Variants in SPINK1 observed in about 807,000 individuals in gnomAD.
The protein encoded by SPINK1 is serine protease inhibitor Kazal-type 1.
SPINK1 carries 5 observed loss-of-function variants against 9.5 expected under a neutral mutation model. The ratio of observed to expected loss-of-function variants is 0.52; its 90% CI spans 0.27 to 1.10. The LOEUF (loss-of-function observed/expected upper bound fraction) is 1.10, where lower values mean the gene tolerates loss of function less well. Ranked by LOEUF, SPINK1 falls within the 50% of genes least tolerant of loss-of-function variation. The pLI, the probability that SPINK1 is intolerant of heterozygous loss-of-function variation, is 0.11. For synonymous variants in SPINK1, 37 were observed against 32.3 expected, an observed-to-expected ratio of 1.14 and a Z score of -0.49; for missense variants, 88 against 92.7, an observed-to-expected ratio of 0.95 and a Z score of 0.21.
At chr5:147,827,988 A>G (rs987291809) in intron 3 of SPINK1, 34 bp downstream of exon 3, 4 of 1,499,940 alleles carry the variant, frequency 2.7e-6, no homozygotes, top group Non-Finnish European at 3.7e-6. Context: ...AACTTAAAAT[A>G]TATAGTTTAA....
the SPINK1 span, among the ~76,000 whole-genome samples, chr5:147,837,649 T>TTTCTTTC: frequency 4.9e-4 from 52 of 107,118 alleles, no homozygotes; most frequent in African/African-American, 1.9e-3. Context: ...CATTAACTTC[T>TTTCTTTC]TTTCTTTCTT....
chr5:147,828,528 A>T (rs1424723978), intron 2 of SPINK1, among the ~76,000 whole-genome samples: 1 of 152,132 alleles, frequency 6.6e-6, no homozygotes, highest in African/African-American at 2.4e-5. Context: ...TTCCTTGTAC[A>T]CTGTAGTCCA....
intron 3 of SPINK1, among the ~76,000 whole-genome samples, chr5:147,825,242 C>T (rs756206012): frequency 3.3e-5 from 5 of 152,100 alleles, no homozygotes; most frequent in Admixed American, 1.3e-4. Flanking sequence ...ACTACCATTA[C>T]CAAACTAGTT....
rs968598420 is a variant in SPINK1, at chr5:147,831,664, T to C, written c.-87A>G. 3.2e-6 allele frequency: 5 copies of C among 1,580,476 alleles called. No homozygotes were observed. Among genetic ancestry groups the C allele is most frequent in the African/African-American group, 1.4e-5 (1 of 73,698 alleles). On this transcript the variant is annotated 5_prime_UTR_variant, in exon 1 of 4. Coordinates refer to ENST00000296695, the MANE Select transcript of SPINK1 (RefSeq NM_001379610.1). ...GAAGCCTGGGACTGGAAGGGTCATA[T>C]GGCAGATGGCAGCAAGGCCCCACCT...
At chr5:147,837,649 T>TTTCTTTCTTTCTTTCTTTCTTTCTTTC in the SPINK1 span, among the ~76,000 whole-genome samples, 43 of 107,118 alleles carry the variant, frequency 4.0e-4, no homozygotes, top group African/African-American at 1.5e-3. Context: ...CATTAACTTC[T>TTTCTTTCTTTCTTTCTTTCTTTCTTTC]TTTCTTTCTT....
chr5:147,831,923 G>A, upstream of SPINK1: 4 of 779,806 alleles, frequency 5.1e-6, no homozygotes, highest in Non-Finnish European at 7.0e-6. Context: ...TCACCTGTAA[G>A]ATGAACTCAA....
At chr5:147,834,065 T>G (rs1248251211), upstream of SPINK1, among the ~76,000 whole-genome samples, 2 of 152,160 alleles carry the variant, frequency 1.3e-5, no homozygotes, top group African/African-American at 4.8e-5. Context: ...TTCCCTCCTA[T>G]TGTACGATCT....
chr5:147,827,968 G>A (rs1444301491), intron 3 of SPINK1, 54 bp downstream of exon 3: 1 of 1,366,852 alleles, frequency 7.3e-7, no homozygotes, highest in South Asian at 1.2e-5. Context: ...CAGTACACTT[G>A]AAGATAACTA....
chr5:147,827,478 G>A (rs1200393141), intron 3 of SPINK1: 1 of 154,326 alleles, frequency 6.5e-6, no homozygotes, highest in Non-Finnish European at 1.4e-5. Context: ...TGCTCATGAT[G>A]TTTTCTTAGT....
upstream of SPINK1, among the ~76,000 whole-genome samples, chr5:147,835,508 C>T (rs1213734941): frequency 6.6e-6 from 1 of 152,066 alleles, no homozygotes; most frequent in Non-Finnish European, 1.5e-5. Context: ...CATTGCTCAA[C>T]CTTGTGTACA....
At chr5:147,838,655 ATTC>A in the SPINK1 span, among the ~76,000 whole-genome samples, 2 of 152,142 alleles carry the variant, frequency 1.3e-5, no homozygotes, top group African/African-American at 4.8e-5. Flanking sequence ...TTTTTTAACA[ATTC>A]TTCTTTCCCA....
chr5:147,833,988 T>G (rs1321951985), upstream of SPINK1, among the ~76,000 whole-genome samples: 1 of 152,160 alleles, frequency 6.6e-6, no homozygotes, highest in Non-Finnish European at 1.5e-5. Context: ...GTTAAAAGGT[T>G]AAGTGGTATT....
Position 147,831,622 on chromosome 5 carries a change from C to CT in SPINK1, c.-46dup, listed in dbSNP as rs577417642. ...GAGGTCAGTTGAAAACTGCACCGCA[C>CT]TTACCACGTCTCTTCAGAAGCCTGG... On this transcript the variant is annotated 5_prime_UTR_variant, in exon 1 of 4. Coordinates refer to ENST00000296695, the MANE Select transcript of SPINK1 (RefSeq NM_001379610.1). The CT allele has an allele frequency of 4.5e-5, 72 of 1,610,246 alleles. No individual in the cohort carries two copies. In the African/African-American group the frequency reaches 8.8e-4, roughly 20 times the overall value.
At chr5:147,826,123 A>G (rs1364337822) in intron 3 of SPINK1, among the ~76,000 whole-genome samples, 1 of 152,164 alleles carries the variant, frequency 6.6e-6, no homozygotes, top group Non-Finnish European at 1.5e-5. Flanking sequence ...ATTCCCTTTG[A>G]AGACGTAGAA....
intron 1 of SPINK1, 140 bp from the exon 2 acceptor site, chr5:147,829,770 A>G (rs1580942772): frequency 3.6e-6 from 3 of 828,174 alleles, no homozygotes; most frequent in Non-Finnish European, 4.0e-6. Flanking sequence ...TGATTTCTCT[A>G]ATCTTCCAAA....
In SPINK1 at chr5:147,828,007, C is replaced by T. The variant is rs371154048; in HGVS notation, c.194+15G>A. ...TAAAATATATAGTTTAAAAGAAACT[C>T]AAGTTTGTACTCACCGATTTTCAAA... On this transcript the variant is annotated intron_variant, in intron 3 of 3. Coordinates refer to ENST00000296695, the MANE Select transcript of SPINK1 (RefSeq NM_001379610.1). 6.3e-7 allele frequency: 1 copy of T among 1,590,380 alleles called. No individual in the cohort carries two copies. The highest frequency in any genetic ancestry group is 8.6e-7 in the Non-Finnish European group (1 of 1,160,982).
chr5:147,831,481 C>A, intron 1 of SPINK1, 42 bp downstream of exon 1: 2 of 1,611,268 alleles, frequency 1.2e-6, no homozygotes, highest in South Asian at 1.1e-5. Flanking sequence ...AGCAACAGGT[C>A]AAAACAGTTT....
At chr5:147,836,700 T>C in the SPINK1 span, among the ~76,000 whole-genome samples, 1 of 152,168 alleles carries the variant, frequency 6.6e-6, no homozygotes, top group East Asian at 1.9e-4. Context: ...TGTCAGACTT[T>C]ATAACTACTC....
chr5:147,837,649 T>TTTTCTTTCTTTCTTTCTTTTTC, the SPINK1 span, among the ~76,000 whole-genome samples: 1 of 107,118 alleles, frequency 9.3e-6, no homozygotes, highest in East Asian at 2.9e-4. Flanking sequence ...CATTAACTTC[T>TTTTCTTTCTTTCTTTCTTTTTC]TTTCTTTCTT....
Sources: allele counts gnomAD v4.1 joint callset (sites outside exome capture counted in the v4.1 genomes callset), GRCh38; gene constraint gnomAD v4.1.1; transcripts MANE v1.5; gene names NCBI Gene and HGNC (gene_info 2026-07-23, HGNC 2026-07-21).